The following ABLIM2 variants were observed in gnomAD, a reference collection of about 807,000 sequenced individuals.
The protein encoded by ABLIM2 is actin-binding LIM protein 2.
In ABLIM2, 53 loss-of-function variants were observed where a neutral mutation model predicts 97.7. The observed-to-expected ratio is 0.54, with a 90% confidence interval of 0.44 to 0.68. The LOEUF is 0.68. Among genes scored for constraint, ABLIM2 ranks in the 30% least tolerant of loss-of-function variants. The probability of loss-of-function intolerance (pLI) is 0.00; values close to 1 mark genes in which losing one functional copy is unlikely to be tolerated. For missense variants in ABLIM2, 835 were observed against 867.2 expected (o/e 0.96, Z 0.47); for synonymous variants, 361 against 345.8 (o/e 1.04, Z -0.49).
rs1265097960 is a variant in ABLIM2 at position 8,085,781 on chromosome 4, G to C, written c.454+2388C>G. 6.6e-6 allele frequency among the ~76,000 whole-genome samples: 1 copy of C among 152,198 alleles called. No homozygotes were observed. Among genetic ancestry groups the C allele is most frequent in the African/African-American group, 2.4e-5 (1 of 41,444 alleles). On this transcript the variant is annotated intron_variant, in intron 4 of 20. Coordinates refer to ENST00000447017, the MANE Select transcript of ABLIM2 (RefSeq NM_001130083.2). The surrounding 1 kb of genome is among the most constrained non-coding windows in gnomAD (Gnocchi z 6.1). ...TGTTTAGTCTTTGTACTCATCTGTAGCATCCTCCCCCTTCCAGACCCACCT... is the reference window on the plus strand; with the variant it reads ...TGTTTAGTCTTTGTACTCATCTGTACCATCCTCCCCCTTCCAGACCCACCT...
chr4:8,129,219 T>C (rs911455420), intron 1 of ABLIM2, among the ~76,000 whole-genome samples: 1 of 152,204 alleles, frequency 6.6e-6, no homozygotes, highest in Non-Finnish European at 1.5e-5. Context: ...GGAAACACTC[T>C]CAATGCCATC....
rs1253223174 is a variant in ABLIM2, at chr4:8,149,749, T to G, written c.10+8931A>C. On this transcript the variant is annotated intron_variant, in intron 1 of 20. Transcript: ENST00000447017. The surrounding 1 kb of genome is among the most constrained non-coding windows in gnomAD (Gnocchi z 6.4). ...GAGCTCTGAGCCCTTGGGAGGCTGT[T>G]GACTGCTGGACACAGAGAAGGCCCG... is the stretch of plus-strand genomic sequence containing the variant. 1.3e-5 allele frequency among the ~76,000 whole-genome samples: 2 copies of G among 151,996 alleles called. No individual in the cohort carries two copies. The highest frequency in any genetic ancestry group is 2.9e-5 in the Non-Finnish European group (2 of 67,984).
At position 8,015,776 on chromosome 4, in the gene ABLIM2, G is replaced by C. The variant is rs540977547; in HGVS notation, c.1423+3842C>G. Among the ~76,000 whole-genome samples the C allele has an allele frequency of 1.3e-5, 2 of 152,262 alleles. No homozygotes were observed. Among genetic ancestry groups the C allele is most frequent in the Non-Finnish European group, 2.9e-5 (2 of 68,016 alleles). On this transcript the variant is annotated intron_variant, in intron 14 of 20. Transcript: ENST00000447017. This position sits in a 1 kb window ranked among gnomAD's most constrained non-coding sequence, Gnocchi z 4.6. Reference sequence around the variant, plus strand: ...TTAGAAATGAAACAGCAAATCTGGTGAACTATGAGGACTGTCCCTGCATCT... The same window carrying C: ...TTAGAAATGAAACAGCAAATCTGGTCAACTATGAGGACTGTCCCTGCATCT...
At chr4:8,097,005 G>A (rs539325973) in intron 3 of ABLIM2, 94 bp downstream of exon 3, 25 of 1,422,192 alleles carry the variant, frequency 1.8e-5, no homozygotes, top group Admixed American at 1.8e-4. Flanking sequence ...GGCGGGTCAC[G>A]GGAGGGAGCA....
In ABLIM2 at chr4:8,045,146, A is replaced by G. The variant is rs768967772; in HGVS notation, c.900+18T>C. 2 of 1,610,186 alleles carry G rather than the reference A, an allele frequency of 1.2e-6. No individual in the cohort carries two copies. Among genetic ancestry groups the G allele is most frequent in the Non-Finnish European group, 1.7e-6 (2 of 1,176,540 alleles). On this transcript the variant is annotated intron_variant, in intron 9 of 20. Transcript: ENST00000447017. ...TCCACCCTCCCACCGCCGTCCCCAT[A>G]AAAAGGCCCTGACTTACATAAATCA...
intron 9 of ABLIM2, among the ~76,000 whole-genome samples, chr4:8,040,935 C>G (rs188470320): frequency 6.6e-6 from 1 of 152,314 alleles, no homozygotes; most frequent in South Asian, 2.1e-4. Flanking sequence ...GCATCAGCGA[C>G]GTGGGCACAC....
rs180823671 is a variant in ABLIM2 at position 8,005,135 on chromosome 4, C to T, written c.1618+2924G>A. On this transcript the variant is annotated intron_variant, in intron 16 of 20. Coordinates refer to ENST00000447017, the MANE Select transcript of ABLIM2 (RefSeq NM_001130083.2). The surrounding 1 kb of genome is among the most constrained non-coding windows in gnomAD (Gnocchi z 4.9). ...GTTGTGGGTGAGATGAGTTTGTGAT[C>T]GGGCCCTTGCGAAGCCAAAGAGGTG... Among the ~76,000 whole-genome samples the T allele has an allele frequency of 3.9e-5, 6 of 152,320 alleles. No homozygotes were observed. Among genetic ancestry groups the T allele is most frequent in the Admixed American group, 1.3e-4 (2 of 15,302 alleles).
At position 8,058,673 on chromosome 4, in the gene ABLIM2, T is replaced by A. The variant is rs1159057267; in HGVS notation, c.763+2294A>T. On this transcript the variant is annotated intron_variant, in intron 7 of 20. Coordinates refer to ENST00000447017, the MANE Select transcript of ABLIM2 (RefSeq NM_001130083.2). The surrounding 1 kb of genome is among the most constrained non-coding windows in gnomAD (Gnocchi z 4.2). ...ACCAGTGCTCGCTGGGACCAGACCCTTGGGTCAGGCTCCTCTGAACCCTCT... is the reference window on the plus strand; with the variant it reads ...ACCAGTGCTCGCTGGGACCAGACCCATGGGTCAGGCTCCTCTGAACCCTCT... Among the ~76,000 whole-genome samples the A allele has an allele frequency of 6.6e-6, 1 of 152,144 alleles. No individual in the cohort carries two copies. The highest frequency in any genetic ancestry group is 2.4e-5 in the African/African-American group (1 of 41,438).
rs1753485639 is a variant in ABLIM2 at position 7,996,602 on chromosome 4, T to C, written c.1619-3675A>G. ...AACCATCCAATGTGATATAAGAATA[T>C]GATTCTTTCCAAGAAGAGGGCTATT... On this transcript the variant is annotated intron_variant, in intron 16 of 20. Coordinates refer to ENST00000447017, the MANE Select transcript of ABLIM2 (RefSeq NM_001130083.2). The surrounding 1 kb of genome is among the most constrained non-coding windows in gnomAD (Gnocchi z 4.5). 6.6e-6 allele frequency among the ~76,000 whole-genome samples: 1 copy of C among 152,250 alleles called. No homozygotes were observed. The highest frequency in any genetic ancestry group is 6.5e-5 in the Admixed American group (1 of 15,290).
Position 8,104,383 on chromosome 4 carries a change from C to T in ABLIM2, c.154+2111G>A, listed in dbSNP as rs558241117. Reference sequence around the variant, plus strand: ...CCCCCCATGAGGACTGGGCTTCACGCTGCCTTTGTCAGGGCAGTGGTATTG... The same window carrying T: ...CCCCCCATGAGGACTGGGCTTCACGTTGCCTTTGTCAGGGCAGTGGTATTG... On this transcript the variant is annotated intron_variant, in intron 2 of 20. Transcript: ENST00000447017. 1.1e-4 allele frequency among the ~76,000 whole-genome samples: 17 copies of T among 152,336 alleles called. No homozygotes were observed. In the South Asian group the frequency reaches 3.3e-3, roughly 30 times the overall value.
intron 5 of ABLIM2, among the ~76,000 whole-genome samples, chr4:8,079,323 T>C (rs746235201): frequency 2.6e-5 from 4 of 152,246 alleles, no homozygotes; most frequent in Non-Finnish European, 5.9e-5. Context: ...TTGTCAATTC[T>C]GGGACAGCTC....
intron 15 of ABLIM2, among the ~76,000 whole-genome samples, chr4:8,008,407 T>A (rs193088987): frequency 1.3e-5 from 2 of 152,322 alleles, no homozygotes; most frequent in East Asian, 3.9e-4. Flanking sequence ...ACATGGAGCA[T>A]CTGGGGGAAA....
At chr4:7,989,525 T>C (rs905626072) in intron 17 of ABLIM2, 5 of 650,270 alleles carry the variant, frequency 7.7e-6, no homozygotes, top group African/African-American at 6.0e-5. Flanking sequence ...CATAATGAAT[T>C]AGTGTTCTCC....
rs375060397 is a variant in ABLIM2, at chr4:7,999,354, G to A, written c.1619-6427C>T. On this transcript the variant is annotated intron_variant, in intron 16 of 20. Transcript: ENST00000447017. The surrounding 1 kb of genome is among the most constrained non-coding windows in gnomAD (Gnocchi z 4.4). ...ATTACAGGCGTGAGCCACTGCGCCC[G>A]GCCAAGAATCACTGGTTTAAAAAGT... 1.2e-4 allele frequency among the ~76,000 whole-genome samples: 19 copies of A among 152,124 alleles called. No individual in the cohort carries two copies. The highest frequency in any genetic ancestry group is 4.1e-4 in the South Asian group (2 of 4,822).
At chr4:8,062,172 C>T (rs187389845) in intron 6 of ABLIM2, among the ~76,000 whole-genome samples, 247 of 152,316 alleles carry the variant, frequency 1.6e-3, no homozygotes, top group South Asian at 9.7e-3. Context: ...CACCTCCACT[C>T]GGGAGCTTTC....
chr4:8,105,140 G>A (rs537245247), intron 2 of ABLIM2, among the ~76,000 whole-genome samples: 88 of 152,260 alleles, frequency 5.8e-4, no homozygotes, highest in African/African-American at 2.0e-3. Context: ...GCTGGCGTCG[G>A]GAGGATTCCC....
intron 1 of ABLIM2, among the ~76,000 whole-genome samples, chr4:8,135,464 G>A (rs1050927979): frequency 1.3e-5 from 2 of 152,190 alleles, no homozygotes; most frequent in African/African-American, 4.8e-5. Flanking sequence ...TCATGAGTGT[G>A]GAAGCTTCAT....
At position 7,999,024 on chromosome 4, in the gene ABLIM2, C is replaced by T. The variant is rs1043555638; in HGVS notation, c.1619-6097G>A. ...CCAGCAATCTGTAGATGTTAAAGGT[C>T]CCAGGGATGCTGTGCACAACCAGCG... On this transcript the variant is annotated intron_variant, in intron 16 of 20. Transcript: ENST00000447017. This position sits in a 1 kb window ranked among gnomAD's most constrained non-coding sequence, Gnocchi z 4.4. Among the ~76,000 whole-genome samples the T allele has an allele frequency of 9.2e-5, 14 of 152,162 alleles. No individual in the cohort carries two copies. The highest frequency in any genetic ancestry group is 9.2e-4 in the Admixed American group (14 of 15,272).
Position 8,033,975 on chromosome 4 carries a change from G to A in ABLIM2, c.1047+2174C>T, listed in dbSNP as rs923640995. Among the ~76,000 whole-genome samples, 5 of 152,204 alleles carry A rather than the reference G, an allele frequency of 3.3e-5. No homozygotes were observed. The highest frequency in any genetic ancestry group is 1.2e-4 in the African/African-American group (5 of 41,458). On this transcript the variant is annotated intron_variant, in intron 10 of 20. Coordinates refer to ENST00000447017, the MANE Select transcript of ABLIM2 (RefSeq NM_001130083.2). The surrounding 1 kb of genome is among the most constrained non-coding windows in gnomAD (Gnocchi z 4.5). ...ACACGCACTCAAACCAGGAAGGGGTGTGCCCGATGCCCCAAGGCTGCCAGG... is the reference window on the plus strand; with the variant it reads ...ACACGCACTCAAACCAGGAAGGGGTATGCCCGATGCCCCAAGGCTGCCAGG...
Sources: gnomAD v4.1 joint callset for allele counts (sites outside exome capture counted in the v4.1 genomes callset) on GRCh38, gnomAD v4.1.1 for gene constraint, Gnocchi (gnomAD v3.1) non-coding constraint, MANE v1.5 for transcripts, NCBI Gene and HGNC (gene_info 2026-07-23, HGNC 2026-07-21) for gene names.